MARK3: variants seen among roughly 807,000 people sequenced by gnomAD.
MARK3 encodes MAP/microtubule affinity-regulating kinase 3.
In MARK3, 46 loss-of-function variants were observed where a neutral mutation model predicts 90.1. The ratio of observed to expected loss-of-function variants is 0.51; its 90% CI spans 0.40 to 0.65. MARK3 has a LOEUF of 0.65. MARK3 is among the 30% of genes least tolerant of loss of function. The probability of loss-of-function intolerance (pLI) is 0.00; values close to 1 mark genes in which losing one functional copy is unlikely to be tolerated. For missense variants in MARK3, 818 were observed against 947.2 expected (o/e 0.86, Z 1.79); for synonymous variants, 321 against 332.6 (o/e 0.97, Z 0.38).
intron 12 of MARK3, among the ~76,000 whole-genome samples, chr14:103,471,815 TCAA>T (rs1490561365): frequency 2.9e-5 from 4 of 138,628 alleles, no homozygotes; most frequent in Non-Finnish European, 5.1e-5. Context: ...TGTTTACTAA[TCAA>T]TGAGTGGTAT....
At chr14:103,463,860 C>G (rs1320904459) in intron 7 of MARK3, among the ~76,000 whole-genome samples, 2 of 152,184 alleles carry the variant, frequency 1.3e-5, no homozygotes, top group African/African-American at 2.4e-5. Context: ...AAGTACAATC[C>G]TTTGTGATTA....
At chr14:103,465,522 TA>T in intron 7 of MARK3, 34 bp from the exon 8 acceptor site, 1 of 1,476,452 alleles carries the variant, frequency 6.8e-7, no homozygotes. Context: ...CTATTTTGGC[TA>T]AATTTCATTT....
At chr14:103,502,784 G>C (rs752643638) in intron 17 of MARK3, 98 bp from the exon 18 acceptor site, 7 of 904,718 alleles carry the variant, frequency 7.7e-6, no homozygotes, top group African/African-American at 1.7e-5. Context: ...TCAGTCGTTA[G>C]TTGTGTTGTA....
chr14:103,433,229 G>T (rs2092635313), intron 3 of MARK3, among the ~76,000 whole-genome samples: 1 of 151,808 alleles, frequency 6.6e-6, no homozygotes. Flanking sequence ...GGGACTACAG[G>T]TGTGTGCCAC....
chr14:103,407,500 A>G (rs1443618065), intron 2 of MARK3, among the ~76,000 whole-genome samples: 1 of 151,216 alleles, frequency 6.6e-6, no homozygotes, highest in African/African-American at 2.4e-5. Context: ...TTAAAACCAC[A>G]AAACTAACTC....
At chr14:103,443,222 T>TA (rs1457473142) in intron 3 of MARK3, among the ~76,000 whole-genome samples, 1 of 152,216 alleles carries the variant, frequency 6.6e-6, no homozygotes, top group African/African-American at 2.4e-5. Flanking sequence ...AGAAAGTAGT[T>TA]AACATATTGC....
At chr14:103,494,341 C>T (rs1211682266) in intron 15 of MARK3, among the ~76,000 whole-genome samples, 9 of 150,806 alleles carry the variant, frequency 6.0e-5, no homozygotes, top group Admixed American at 4.6e-4. Flanking sequence ...CACCTGAGGT[C>T]GGGAATTTGA....
intron 2 of MARK3, among the ~76,000 whole-genome samples, chr14:103,409,264 A>T (rs1465850982): frequency 1.3e-5 from 2 of 151,854 alleles, no homozygotes; most frequent in East Asian, 3.9e-4. Context: ...ACATGGACAC[A>T]GGGAGGGGAA....
Position 103,460,073 on chromosome 14 carries a change from C to CTTTTTTTTTTTTTTTTTTTTTTT in MARK3, c.484-2323_484-2301dup, listed in dbSNP as rs571611660. 1.4e-4 allele frequency among the ~76,000 whole-genome samples: 6 copies of CTTTTTTTTTTTTTTTTTTTTTTT among 41,720 alleles called. 1 individual carries two copies. The highest frequency in any genetic ancestry group is 1.6e-4 in the Non-Finnish European group (4 of 25,344). The allele number at this position is 41,720 out of a possible 152,430, so 27.4% of individuals were successfully genotyped here. On this transcript the variant is annotated intron_variant, in intron 6 of 17. Transcript: ENST00000429436. ...AAAAAGAATAGATTTCCAGCTCCAT[C>CTTTTTTTTTTTTTTTTTTTTTTT]TTTTTTTTTTTTTTTTTTTTTTTTT...
chr14:103,388,919 C>G (rs1352728491), intron 1 of MARK3, among the ~76,000 whole-genome samples: 2 of 152,000 alleles, frequency 1.3e-5, no homozygotes, highest in Non-Finnish European at 1.5e-5. Flanking sequence ...ATCCACTCAC[C>G]AGTGATGGAC....
chr14:103,422,863 G>A (rs892912531), intron 2 of MARK3, among the ~76,000 whole-genome samples: 1 of 152,258 alleles, frequency 6.6e-6, no homozygotes, highest in African/African-American at 2.4e-5. Flanking sequence ...GGATTGAATC[G>A]TATGCCTCAA....
At chr14:103,431,309 T>C (rs2092574878) in intron 3 of MARK3, among the ~76,000 whole-genome samples, 1 of 152,142 alleles carries the variant, frequency 6.6e-6, no homozygotes, top group Non-Finnish European at 1.5e-5. Flanking sequence ...GCCAGGCTGG[T>C]CTGGTCTCAA....
At chr14:103,401,648 A>G (rs1349729754) in intron 1 of MARK3, among the ~76,000 whole-genome samples, 6 of 152,208 alleles carry the variant, frequency 3.9e-5, no homozygotes, top group Non-Finnish European at 7.3e-5. Flanking sequence ...TTTCACTCAC[A>G]GGATGTGTTC....
At chr14:103,447,580 C>G (rs1295809721) in intron 3 of MARK3, among the ~76,000 whole-genome samples, 1 of 152,128 alleles carries the variant, frequency 6.6e-6, no homozygotes, top group Non-Finnish European at 1.5e-5. Flanking sequence ...TCTTTCTTTT[C>G]CTGGTTTCCT....
At position 103,405,078 on chromosome 14, in the gene MARK3, C is replaced by A; in HGVS notation, c.54C>A (p.His18Gln). The A allele has an allele frequency of 6.2e-7, 1 of 1,613,354 alleles. No homozygotes were observed. Among genetic ancestry groups the A allele is most frequent in the Non-Finnish European group, 8.5e-7 (1 of 1,179,622 alleles). Residue 18 changes from histidine to glutamine, a missense_variant and splice_region_variant, in exon 2 of 18, where the codon CAC becomes CAA. Around this residue, in one of 3 missense-constraint regions of MARK3, gnomAD observed 157 missense variants for 158.7 expected, o/e 0.99. Transcript: ENST00000429436. ...TCTTTGTGTATGCTGTATTGCAGCA[C>A]ACGTCACATGGAGATGGGCGTCAAG... ...PTVNERDTENHTSHGDGRQEV... is the reference protein window; with the variant it reads ...PTVNERDTENQTSHGDGRQEV...
chr14:103,499,881 G>GTGCAGTGTA, intron 16 of MARK3: 1 of 310,764 alleles, frequency 3.2e-6, no homozygotes, highest in Non-Finnish European at 5.9e-6. Context: ...TGTGCAGTGT[G>GTGCAGTGTA]CAGCGTGCAG....
intron 6 of MARK3, among the ~76,000 whole-genome samples, chr14:103,460,073 CTTTTTTTTTTTTTTTTTTT>C (rs571611660): frequency 2.4e-5 from 1 of 41,704 alleles, no homozygotes; most frequent in Non-Finnish European, 3.9e-5. Flanking sequence ...CCAGCTCCAT[CTTTTTTTTTTTTTTTTTTT>C]TTTTTTTTTT....
chr14:103,458,928 T>C (rs1168153679), intron 6 of MARK3: 1 of 444,822 alleles, frequency 2.2e-6, no homozygotes, highest in Non-Finnish European at 4.0e-6. Flanking sequence ...ATTTAACTTC[T>C]CTGATCCTGT....
chr14:103,405,660 A>T (rs762605846), intron 2 of MARK3, among the ~76,000 whole-genome samples: 5 of 151,544 alleles, frequency 3.3e-5, no homozygotes, highest in Non-Finnish European at 7.4e-5. Context: ...ACTATGTATT[A>T]CATGTATTAC....
Sources: gnomAD v4.1 joint callset for allele counts (sites outside exome capture counted in the v4.1 genomes callset) on GRCh38, gnomAD v4.1.1 for gene constraint, gnomAD v4.1.1 regional missense constraint, MANE v1.5 for transcripts, NCBI Gene and HGNC (gene_info 2026-07-23, HGNC 2026-07-21) for gene names.